TNS3: variants seen among roughly 807,000 people sequenced by gnomAD.
The protein encoded by TNS3 is tensin-3.
TNS3 carries 45 observed loss-of-function variants against 140.9 expected under a neutral mutation model. The ratio of observed to expected loss-of-function variants is 0.32; its 90% CI spans 0.25 to 0.41. The LOEUF (loss-of-function observed/expected upper bound fraction) is 0.41, where lower values mean the gene tolerates loss of function less well. Ranked by LOEUF, TNS3 falls within the 10% of genes least tolerant of loss-of-function variation. The probability of loss-of-function intolerance (pLI) is 1.00; values close to 1 mark genes in which losing one functional copy is unlikely to be tolerated. For missense variants in TNS3, 1,716 were observed against 1,906.7 expected, an observed-to-expected ratio of 0.90 and a Z score of 1.86; for synonymous variants, 815 against 788.4, an observed-to-expected ratio of 1.03 and a Z score of -0.56.
intron 16 of TNS3, among the ~76,000 whole-genome samples, chr7:47,379,577 C>G (rs955011994): frequency 7.1e-6 from 1 of 141,240 alleles, no homozygotes; most frequent in Non-Finnish European, 1.5e-5. Flanking sequence ...GAAATGTGCC[C>G]TTTTCCTCTT....
chr7:47,296,339 G>A (rs1178786560), intron 24 of TNS3, among the ~76,000 whole-genome samples: 4 of 152,170 alleles, frequency 2.6e-5, no homozygotes, highest in African/African-American at 9.7e-5. Flanking sequence ...AAAAAGGAAT[G>A]CTTTTGCACT....
At chr7:47,415,555 G>A (rs1177481520) in intron 10 of TNS3, among the ~76,000 whole-genome samples, 6 of 152,234 alleles carry the variant, frequency 3.9e-5, no homozygotes, top group Non-Finnish European at 8.8e-5. Flanking sequence ...GGAAGCAGAG[G>A]CCTGGCACAC....
At chr7:47,417,928 T>C (rs945736899) in intron 10 of TNS3, among the ~76,000 whole-genome samples, 1 of 152,194 alleles carries the variant, frequency 6.6e-6, no homozygotes, top group East Asian at 1.9e-4. Flanking sequence ...GTAATAGCAC[T>C]GAGTTTGTGA....
chr7:47,447,964 G>A (rs1795833279), intron 4 of TNS3, among the ~76,000 whole-genome samples: 1 of 152,238 alleles, frequency 6.6e-6, no homozygotes, highest in Non-Finnish European at 1.5e-5. Flanking sequence ...GCAGAACAAG[G>A]GAAGAGCCAA....
At chr7:47,323,427 A>G (rs906603879) in intron 20 of TNS3, among the ~76,000 whole-genome samples, 1 of 152,250 alleles carries the variant, frequency 6.6e-6, no homozygotes. Flanking sequence ...AGGAAAATGA[A>G]GAGATTTTGT....
chr7:47,439,780 G>T, intron 5 of TNS3, 122 bp from the exon 6 acceptor site: 2 of 985,100 alleles, frequency 2.0e-6, no homozygotes, highest in Non-Finnish European at 3.0e-6. Flanking sequence ...CACCTGGGCG[G>T]CCAGCTACGG....
At chr7:47,565,869 G>A (rs1338981148) in intron 1 of TNS3, among the ~76,000 whole-genome samples, 2 of 152,140 alleles carry the variant, frequency 1.3e-5, no homozygotes, top group Admixed American at 1.3e-4. Context: ...CTAAGTATGA[G>A]AACTGTAAAT....
chr7:47,526,983 A>G (rs1799216600), intron 2 of TNS3, among the ~76,000 whole-genome samples: 1 of 152,206 alleles, frequency 6.6e-6, no homozygotes. Flanking sequence ...CTGTAATCCC[A>G]GCACTTTGGG....
chr7:47,558,113 G>A (rs557796254), intron 1 of TNS3, among the ~76,000 whole-genome samples: 3 of 152,284 alleles, frequency 2.0e-5, no homozygotes, highest in African/African-American at 7.2e-5. Flanking sequence ...TGTGGGTGCT[G>A]ACGCCTGTAT....
intron 2 of TNS3, among the ~76,000 whole-genome samples, chr7:47,516,027 C>T (rs201029401): frequency 4.3e-4 from 65 of 152,326 alleles, no homozygotes; most frequent in African/African-American, 1.6e-3. Context: ...TCTACCAAAA[C>T]GTCACATCAC....
intron 5 of TNS3, among the ~76,000 whole-genome samples, chr7:47,440,026 GACTCCT>G (rs1461874720): frequency 6.6e-6 from 1 of 152,160 alleles, no homozygotes; most frequent in Non-Finnish European, 1.5e-5. Flanking sequence ...TTCCAGGCGG[GACTCCT>G]GGAGTGGGAG....
intron 1 of TNS3, chr7:47,539,202 G>A (rs1221127678): frequency 2.7e-5 from 12 of 452,664 alleles, no homozygotes; most frequent in East Asian, 7.0e-5. Flanking sequence ...CAGGAACAAC[G>A]GCCAGGAGCA....
chr7:47,522,220 A>T (rs1799006807), intron 2 of TNS3, among the ~76,000 whole-genome samples: 3 of 152,214 alleles, frequency 2.0e-5, no homozygotes. Context: ...TAGAAAACTA[A>T]AGCCTCTGTG....
At chr7:47,561,430 C>T (rs1349279008) in intron 1 of TNS3, among the ~76,000 whole-genome samples, 1 of 152,174 alleles carries the variant, frequency 6.6e-6, no homozygotes, top group African/African-American at 2.4e-5. Flanking sequence ...CTCTACTTTC[C>T]AGAATAACTT....
At chr7:47,309,926 C>A (rs925471324) in intron 20 of TNS3, among the ~76,000 whole-genome samples, 1 of 152,186 alleles carries the variant, frequency 6.6e-6, no homozygotes, top group African/African-American at 2.4e-5. Flanking sequence ...CCATTCAGAT[C>A]GCCCAAGGCA....
In TNS3 at chr7:47,368,313, G is replaced by C. The variant is rs577652517; in HGVS notation, c.2281+52C>G. 3.5e-6 allele frequency: 5 copies of C among 1,418,302 alleles called. No individual in the cohort carries two copies. In the South Asian group the frequency reaches 8.7e-5, roughly 25 times the overall value. 87.9% of individuals were successfully genotyped at this position (1,418,302 alleles called of 1,614,324 possible). A position where few individuals can be genotyped will look rare whatever the true frequency, so the allele number is the denominator to read the frequency against. On this transcript the variant is annotated intron_variant, in intron 17 of 30. Coordinates refer to ENST00000311160, the MANE Select transcript of TNS3 (RefSeq NM_022748.12). The stretch of plus-strand genomic sequence containing the variant: ...TAGGCTGATTTCTCATCACACATTA[G>C]CCTCCCGTGGAGCACCTCCCGTGGA...
Position 47,373,463 on chromosome 7 carries a change from G to A in TNS3, c.1025-3842C>T, listed in dbSNP as rs1476740116. 2.0e-5 allele frequency among the ~76,000 whole-genome samples: 3 copies of A among 152,160 alleles called. 1 individual carries two copies. The highest frequency in any genetic ancestry group is 7.2e-5 in the African/African-American group (3 of 41,430). On this transcript the variant is annotated intron_variant, in intron 16 of 30. Coordinates refer to ENST00000311160, the MANE Select transcript of TNS3 (RefSeq NM_022748.12). Reference sequence around the variant, plus strand: ...TAAAGGCTCTTCCCATAGTGGACAGGGCCTTGCATCCGCTCCCTGGGCTCA... The same window carrying A: ...TAAAGGCTCTTCCCATAGTGGACAGAGCCTTGCATCCGCTCCCTGGGCTCA...
intron 16 of TNS3, among the ~76,000 whole-genome samples, chr7:47,370,476 T>C (rs1790997620): frequency 6.6e-6 from 1 of 152,124 alleles, no homozygotes; most frequent in South Asian, 2.1e-4. Context: ...ATACATGGAA[T>C]GTCAGGAAAA....
At chr7:47,378,545 T>G (rs1486449419) in intron 16 of TNS3, among the ~76,000 whole-genome samples, 3 of 152,158 alleles carry the variant, frequency 2.0e-5, no homozygotes, top group African/African-American at 7.2e-5. Flanking sequence ...ATCCCATACT[T>G]TGTTTGTTTC....
Sources: gnomAD v4.1 joint callset for allele counts (sites outside exome capture counted in the v4.1 genomes callset) on GRCh38, gnomAD v4.1.1 for gene constraint, MANE v1.5 for transcripts, NCBI Gene and HGNC (gene_info 2026-07-23, HGNC 2026-07-21) for gene names.